Variants in NKAIN2 observed in about 807,000 individuals in gnomAD.
NKAIN2 encodes sodium/potassium transporting ATPase interacting 2.
A neutral mutation model predicts 32.6 loss-of-function variants in NKAIN2; 14 were observed. The observed-to-expected ratio is 0.43, with a 90% CI of 0.28 to 0.67. The LOEUF (loss-of-function observed/expected upper bound fraction) is 0.67. NKAIN2 is among the 30% of genes least tolerant of loss of function. The pLI, the probability that NKAIN2 is intolerant of heterozygous loss-of-function variation, is 0.17. For missense variants in NKAIN2, 198 were observed against 258.3 expected, an observed-to-expected ratio of 0.77 and a Z score of 1.60; for synonymous variants, 80 against 87.2, an observed-to-expected ratio of 0.92 and a Z score of 0.46.
At chr6:124,517,199 A>AGC (rs1778946809) in intron 3 of NKAIN2, among the ~76,000 whole-genome samples, 1 of 152,172 alleles carries the variant, frequency 6.6e-6, no homozygotes, top group Non-Finnish European at 1.5e-5. Context: ...ATTGGTCATG[A>AGC]GCGTATATGT....
intron 1 of NKAIN2, among the ~76,000 whole-genome samples, chr6:124,090,000 A>G (rs1784349591): frequency 6.6e-6 from 1 of 151,932 alleles, no homozygotes; most frequent in South Asian, 2.1e-4. Flanking sequence ...ATAGTTGCAT[A>G]TGTACACACC....
At chr6:124,249,266 C>A (rs1366207588) in intron 1 of NKAIN2, among the ~76,000 whole-genome samples, 1 of 152,086 alleles carries the variant, frequency 6.6e-6, no homozygotes, top group Non-Finnish European at 1.5e-5. Context: ...GTTTGCCTGA[C>A]AGCAAAGCTC....
chr6:123,955,668 A>C (rs1777545060), intron 1 of NKAIN2, among the ~76,000 whole-genome samples: 1 of 148,856 alleles, frequency 6.7e-6, no homozygotes, highest in Non-Finnish European at 1.5e-5. Flanking sequence ...CAGTCACCCA[A>C]GCTGGAGTGC....
intron 3 of NKAIN2, among the ~76,000 whole-genome samples, chr6:124,455,281 G>A (rs569748741): frequency 7.2e-5 from 11 of 152,014 alleles, no homozygotes; most frequent in Non-Finnish European, 1.3e-4. Context: ...TTTGACCTTC[G>A]ACATGAGCTG....
intron 1 of NKAIN2, among the ~76,000 whole-genome samples, chr6:124,269,385 C>G (rs1220781684): frequency 6.6e-6 from 1 of 152,092 alleles, no homozygotes; most frequent in East Asian, 1.9e-4. Flanking sequence ...GTCCCTGCAG[C>G]CATCTGAAAT....
At chr6:123,858,290 AT>A (rs2114972516) in intron 1 of NKAIN2, among the ~76,000 whole-genome samples, 1 of 151,862 alleles carries the variant, frequency 6.6e-6, no homozygotes, top group Admixed American at 6.6e-5. Flanking sequence ...TAATTTTTGT[AT>A]TTTTAGTAGA....
chr6:124,214,456 G>A (rs956802002), intron 1 of NKAIN2, among the ~76,000 whole-genome samples: 2 of 152,044 alleles, frequency 1.3e-5, no homozygotes, highest in Non-Finnish European at 2.9e-5. Context: ...ACTTACAAGG[G>A]TCAAAACTTG....
intron 3 of NKAIN2, among the ~76,000 whole-genome samples, chr6:124,507,861 G>A (rs1359408057): frequency 6.6e-6 from 1 of 152,084 alleles, no homozygotes; most frequent in African/African-American, 2.4e-5. Flanking sequence ...TAGAATTCAA[G>A]GGCTCCACTC....
chr6:123,931,829 T>G (rs558604454), intron 1 of NKAIN2, among the ~76,000 whole-genome samples: 80 of 152,316 alleles, frequency 5.3e-4, no homozygotes, highest in Admixed American at 9.2e-4. Flanking sequence ...TACTTCACTC[T>G]GCCCAACCAA....
At position 124,371,267 on chromosome 6, in the gene NKAIN2, A is replaced by G. The variant is rs542248540; in HGVS notation, c.273+15920A>G. Among the ~76,000 whole-genome samples the G allele has an allele frequency of 2.7e-4, 41 of 152,232 alleles. 1 individual carries two copies. Among genetic ancestry groups the G allele is most frequent in the Non-Finnish European group, 4.9e-4 (33 of 68,012 alleles). ...ATAATGGGTCTGAAATGTTCCATGC[A>G]AGGAAACATAAAATGTTAATTGCTT... On this transcript the variant is annotated intron_variant, in intron 3 of 6. Transcript: ENST00000368417.
At chr6:123,849,050 C>T (rs1175601124) in intron 1 of NKAIN2, among the ~76,000 whole-genome samples, 2 of 152,210 alleles carry the variant, frequency 1.3e-5, no homozygotes, top group African/African-American at 4.8e-5. Flanking sequence ...TATCTTGACA[C>T]TCAAAGCCTT....
At chr6:124,520,221 AAGAG>A (rs1181570618) in intron 3 of NKAIN2, among the ~76,000 whole-genome samples, 1 of 152,150 alleles carries the variant, frequency 6.6e-6, no homozygotes, top group Non-Finnish European at 1.5e-5. Flanking sequence ...AGAAAAGAAA[AAGAG>A]AGAGACCATA....
intron 1 of NKAIN2, among the ~76,000 whole-genome samples, chr6:124,274,103 G>A (rs546090138): frequency 1.3e-5 from 2 of 152,196 alleles, no homozygotes; most frequent in African/African-American, 2.4e-5. Flanking sequence ...GACTACAAAG[G>A]TATAAAATTA....
At chr6:123,910,121 T>C (rs1398975102) in intron 1 of NKAIN2, among the ~76,000 whole-genome samples, 1 of 152,180 alleles carries the variant, frequency 6.6e-6, no homozygotes, top group Admixed American at 6.6e-5. Flanking sequence ...CTTATATATT[T>C]GGTTAGGCAC....
chr6:124,286,661 TGTGTGTGTGTGTGCGCGCGC>T (rs1161484191), intron 2 of NKAIN2, among the ~76,000 whole-genome samples: 15 of 123,184 alleles, frequency 1.2e-4, no homozygotes, highest in African/African-American at 7.2e-4. Flanking sequence ...TGTGTGTGTG[TGTGTGTGTGTGTGCGCGCGC>T]GTGTGTGTGT....
chr6:123,850,848 C>A (rs570176012), intron 1 of NKAIN2, among the ~76,000 whole-genome samples: 1 of 152,016 alleles, frequency 6.6e-6, no homozygotes, highest in Admixed American at 6.6e-5. Context: ...AATGAAATTT[C>A]GTATCTTAGA....
At chr6:124,117,428 G>T (rs1278366861) in intron 1 of NKAIN2, among the ~76,000 whole-genome samples, 1 of 152,134 alleles carries the variant, frequency 6.6e-6, no homozygotes, top group Non-Finnish European at 1.5e-5. Context: ...ACAGAAAGCT[G>T]ACCTGAGCAT....
chr6:124,086,888 G>T (rs1044466676), intron 1 of NKAIN2, among the ~76,000 whole-genome samples: 1 of 151,760 alleles, frequency 6.6e-6, no homozygotes, highest in Non-Finnish European at 1.5e-5. Flanking sequence ...TCTTCCAGAA[G>T]GTAGAAGCAG....
intron 1 of NKAIN2, among the ~76,000 whole-genome samples, chr6:124,261,846 G>C (rs1794264685): frequency 6.8e-6 from 1 of 146,682 alleles, no homozygotes; most frequent in South Asian, 2.1e-4. Flanking sequence ...CTGGGTGAAA[G>C]AGCATGATTC....
Sources: gnomAD v4.1 joint callset for allele counts (sites outside exome capture counted in the v4.1 genomes callset) on GRCh38, gnomAD v4.1.1 for gene constraint, MANE v1.5 for transcripts, NCBI Gene and HGNC (gene_info 2026-07-23, HGNC 2026-07-21) for gene names.